Variants in MIA2 observed in about 807,000 individuals in gnomAD.
MIA2 encodes MIA SH3 domain ER export factor 2.
A neutral mutation model predicts 167.8 loss-of-function variants in MIA2; 127 were observed. The observed-to-expected ratio is 0.76, with a 90% CI of 0.66 to 0.88. MIA2 has a LOEUF of 0.88. MIA2 is among the 40% of genes least tolerant of loss of function. MIA2 has a pLI of 0.00. For synonymous variants in MIA2, 552 were observed against 541.9 expected, an observed-to-expected ratio of 1.02 and a Z score of -0.26; for missense variants, 1,690 against 1,624.7, an observed-to-expected ratio of 1.04 and a Z score of -0.69.
chr14:39,271,763 G>A (rs2057186171), intron 6 of MIA2, among the ~76,000 whole-genome samples: 1 of 151,838 alleles, frequency 6.6e-6, no homozygotes, highest in Admixed American at 6.6e-5. Flanking sequence ...AACTGTTGTG[G>A]TCTTTCTGCT....
intron 19 of MIA2, 57 bp from the exon 20 acceptor site, chr14:39,314,682 A>G (rs1394536168): frequency 1.7e-6 from 2 of 1,152,718 alleles, no homozygotes; most frequent in Non-Finnish European, 2.4e-6. Flanking sequence ...AGTAGAGAGT[A>G]TGTTCTGTCA....
chr14:39,380,775 A>G (rs1439595046), intron 23 of MIA2, among the ~76,000 whole-genome samples: 2 of 151,730 alleles, frequency 1.3e-5, no homozygotes, highest in East Asian at 1.9e-4. Context: ...AAAGAGACCA[A>G]TTTTATTTAG....
intron 23 of MIA2, among the ~76,000 whole-genome samples, chr14:39,369,532 T>C (rs558546710): frequency 3.3e-5 from 5 of 152,362 alleles, no homozygotes; most frequent in African/African-American, 9.6e-5. Context: ...GGTAACAGAT[T>C]CTAGGCTGTG....
At chr14:39,324,953 T>G (rs1304992135) in intron 24 of MIA2, among the ~76,000 whole-genome samples, 1 of 152,214 alleles carries the variant, frequency 6.6e-6, no homozygotes, top group Non-Finnish European at 1.5e-5. Flanking sequence ...CTGGGTGCAG[T>G]GGCTTACAAC....
At chr14:39,308,381 C>A in intron 17 of MIA2, 68 bp from the exon 18 acceptor site, 2 of 975,314 alleles carry the variant, frequency 2.1e-6, no homozygotes, top group Non-Finnish European at 2.9e-6. Context: ...TAATTTTTAT[C>A]TTTCTGAAAT....
At position 39,381,879 on chromosome 14, in the gene MIA2, G is replaced by A. The variant is rs529807137; in HGVS notation, c.2249-5006G>A. 2.0e-5 allele frequency among the ~76,000 whole-genome samples: 3 copies of A among 152,254 alleles called. No individual in the cohort carries two copies. The South Asian group carries it at 6.2e-4, about 32-fold the overall frequency. ...AGAACAATTAAACAACACAAATGAT[G>A]CTTGCACAATTTATATGACTACTGA... On this transcript the variant is annotated intron_variant, in intron 23 of 23. Coordinates refer to the MIA2 transcript ENST00000341502.
rs115888955 is a variant in MIA2, at chr14:39,374,838, A to G, written c.2249-12047A>G. ...AAACTCATTTTGCGTGTAATACTTC[A>G]TATTTTTCAAAACAATCCTGTGAAG... is the stretch of plus-strand genomic sequence containing the variant. On this transcript the variant is annotated intron_variant, in intron 23 of 23. Coordinates refer to the MIA2 transcript ENST00000341502. Among the ~76,000 whole-genome samples the G allele has an allele frequency of 3.9e-3, 589 of 152,322 alleles. 7 individuals are homozygous for G. Among genetic ancestry groups the G allele is most frequent in the African/African-American group, 0.014 (567 of 41,576 alleles).
At chr14:39,252,649 T>G (rs964716066) in intron 4 of MIA2, 99 bp from the exon 5 acceptor site, 3 of 807,264 alleles carry the variant, frequency 3.7e-6, no homozygotes, top group Non-Finnish European at 5.9e-6. Flanking sequence ...CATAATGACC[T>G]ACAAAAGTTC....
intron 25 of MIA2, among the ~76,000 whole-genome samples, chr14:39,344,755 C>A (rs573279057): frequency 6.6e-6 from 1 of 152,130 alleles, no homozygotes; most frequent in Non-Finnish European, 1.5e-5. Context: ...TTGTCGTTCT[C>A]CTTATTTTTG....
chr14:39,317,344 T>C (rs912290545), intron 21 of MIA2, among the ~76,000 whole-genome samples: 1 of 152,160 alleles, frequency 6.6e-6, no homozygotes, highest in Non-Finnish European at 1.5e-5. Context: ...CAGAAGACAG[T>C]TAATAGGAGA....
rs182550674 is a variant in MIA2 at position 39,386,371 on chromosome 14, C to G, written c.2249-514C>G. On this transcript the variant is annotated intron_variant, in intron 23 of 23. Coordinates refer to the MIA2 transcript ENST00000341502. Reference sequence around the variant, plus strand: ...CAGACTCCGAGGAGGAACTGGGACTCTCTTTTGAGCAAACGCTTACACTAC... The same window carrying G: ...CAGACTCCGAGGAGGAACTGGGACTGTCTTTTGAGCAAACGCTTACACTAC... The G allele has an allele frequency of 8.6e-4, 1,328 of 1,546,188 alleles. 13 individuals are homozygous for G. Among genetic ancestry groups the G allele is most frequent in the South Asian group, 8.2e-3 (734 of 89,620 alleles).
intron 7 of MIA2, 134 bp from the exon 8 acceptor site, chr14:39,279,203 G>T: frequency 1.8e-6 from 1 of 551,766 alleles, no homozygotes. Flanking sequence ...ATTGGAAACA[G>T]AATACTTTTG....
chr14:39,343,063 C>G (rs2072365539), intron 25 of MIA2, among the ~76,000 whole-genome samples: 1 of 152,060 alleles, frequency 6.6e-6, no homozygotes, highest in Non-Finnish European at 1.5e-5. Flanking sequence ...CAGCTAGCAC[C>G]CTTTTTGTAC....
chr14:39,336,812 T>C (rs994670039), intron 25 of MIA2, among the ~76,000 whole-genome samples: 1 of 152,196 alleles, frequency 6.6e-6, no homozygotes, highest in African/African-American at 2.4e-5. Context: ...GTGGTGTGAT[T>C]ATAGCTCACT....
chr14:39,312,745 A>G (rs918697283), intron 18 of MIA2, among the ~76,000 whole-genome samples: 4 of 152,202 alleles, frequency 2.6e-5, no homozygotes, highest in African/African-American at 7.2e-5. Context: ...TGGTAATTAA[A>G]TAATACATGT....
At chr14:39,277,762 A>T (rs185637258) in intron 7 of MIA2, among the ~76,000 whole-genome samples, 6 of 35,342 alleles carry the variant, frequency 1.7e-4, no homozygotes, top group African/African-American at 4.1e-4. Flanking sequence ...ATATATATAT[A>T]TATATATATA....
intron 25 of MIA2, among the ~76,000 whole-genome samples, chr14:39,330,908 A>G (rs1050143492): frequency 1.3e-5 from 2 of 152,152 alleles, no homozygotes; most frequent in African/African-American, 2.4e-5. Context: ...AATAAGTGCT[A>G]TGTGGCACTG....
intron 6 of MIA2, chr14:39,266,096 T>TAA (rs1331927588): frequency 1.0e-6 from 1 of 985,348 alleles, no homozygotes; most frequent in African/African-American, 1.7e-5. Context: ...TACAAGAGGT[T>TAA]ACATCAGGAA....
At chr14:39,360,488 T>C (rs1440493618) in intron 23 of MIA2, among the ~76,000 whole-genome samples, 1 of 134,824 alleles carries the variant, frequency 7.4e-6, no homozygotes, top group East Asian at 2.7e-4. Context: ...TTGTTGTTGT[T>C]GTTGTCTTTT....
Sources: allele counts gnomAD v4.1 joint callset (sites outside exome capture counted in the v4.1 genomes callset), GRCh38; gene constraint gnomAD v4.1.1; transcripts MANE v1.5; gene names NCBI Gene and HGNC (gene_info 2026-07-23, HGNC 2026-07-21).